Variants in MAP3K1 observed in about 807,000 individuals in gnomAD.
MAP3K1 encodes the protein MAP/ERK kinase kinase 1.
MAP3K1 carries 36 observed loss-of-function variants against 144.2 expected under a neutral mutation model. The ratio of observed to expected loss-of-function variants is 0.25; its 90% CI spans 0.19 to 0.33. The LOEUF (loss-of-function observed/expected upper bound fraction) is 0.33, where lower values mean the gene tolerates loss of function less well. Ranked by LOEUF, MAP3K1 falls within the 10% of genes least tolerant of loss-of-function variation. MAP3K1 has a pLI of 1.00. For synonymous variants in MAP3K1, 718 were observed against 688.7 expected, an observed-to-expected ratio of 1.04 and a Z score of -0.67; for missense variants, 1,650 against 1,881.9, an observed-to-expected ratio of 0.88 and a Z score of 2.28.
At position 56,888,335 on chromosome 5, in the gene MAP3K1, A is replaced by G. The variant is rs1380085243; in HGVS notation, c.4367A>G (p.Asn1456Ser). 12 of 1,614,098 alleles carry G rather than the reference A, an allele frequency of 7.4e-6. No individual in the cohort carries two copies. Among genetic ancestry groups the G allele is most frequent in the South Asian group, 1.1e-5 (1 of 91,084 alleles). ...CCATGGAATGCAGAAAAACACTCCA[A>G]TCATCTTGCTTTGATATTTAAGGTA... ...KPPWNAEKHSNHLALIFKIAS... is the reference protein window; with the variant it reads ...KPPWNAEKHSSHLALIFKIAS... Residue 1456 changes from asparagine (N) to serine (S), a missense_variant, in exon 19 of 20, where the codon AAT becomes AGT. By Grantham distance (46) the Asn-to-Ser change is conservative. Around this residue, in one of 6 missense-constraint regions of MAP3K1, gnomAD observed 165 missense variants for 322.9 expected, o/e 0.51. Transcript: ENST00000399503.
At chr5:56,829,349 A>ATTTT (rs70999027) in intron 1 of MAP3K1, among the ~76,000 whole-genome samples, 7 of 130,330 alleles carry the variant, frequency 5.4e-5, no homozygotes, top group Non-Finnish European at 8.0e-5. Context: ...TGCCCGGCAA[A>ATTTT]TTTTTTTTTT....
intron 1 of MAP3K1, among the ~76,000 whole-genome samples, chr5:56,835,292 AGGC>A (rs1746612716): frequency 6.6e-6 from 1 of 151,692 alleles, no homozygotes; most frequent in African/African-American, 2.4e-5. Flanking sequence ...GGAGACAGGA[AGGC>A]AGGGAAGAGG....
intron 16 of MAP3K1, among the ~76,000 whole-genome samples, 163 bp downstream of exon 16, chr5:56,884,989 A>G (rs577280929): frequency 2.0e-5 from 3 of 152,208 alleles, no homozygotes; most frequent in Non-Finnish European, 4.4e-5. Flanking sequence ...TTCGTTTTGT[A>G]TTTCATTTAC....
chr5:56,886,169 GA>G, intron 17 of MAP3K1, 106 bp downstream of exon 17: 1 of 872,264 alleles, frequency 1.1e-6, no homozygotes, highest in Non-Finnish European at 1.9e-6. Flanking sequence ...TTTGGGAGGT[GA>G]AGGCAGGTGG....
chr5:56,857,091 C>CT (rs1747365909), intron 2 of MAP3K1, among the ~76,000 whole-genome samples: 1 of 152,026 alleles, frequency 6.6e-6, no homozygotes, highest in South Asian at 2.1e-4. Flanking sequence ...TGTTTTATCT[C>CT]TAAGACAGGA....
At position 56,895,765 on chromosome 5, in the gene MAP3K1, T is replaced by C. The variant is rs1748684677; in HGVS notation, c.*2085T>C. 4.3e-6 allele frequency: 1 copy of C among 232,174 alleles called. No homozygotes were observed. Among genetic ancestry groups the C allele is most frequent in the Non-Finnish European group, 8.5e-6 (1 of 117,390 alleles). 14.4% of individuals were successfully genotyped at this position (232,174 alleles called of 1,614,324 possible). ...GGAAATTGTATCGTGTAATTATTTTTGTGTTCTTAATGTTATTTGGTACTC... is the reference window on the plus strand; with the variant it reads ...GGAAATTGTATCGTGTAATTATTTTCGTGTTCTTAATGTTATTTGGTACTC... On this transcript the variant is annotated 3_prime_UTR_variant, in exon 20 of 20. Coordinates refer to ENST00000399503, the MANE Select transcript of MAP3K1 (RefSeq NM_005921.2).
At chr5:56,865,220 G>A (rs1364860931) in intron 4 of MAP3K1, 120 bp from the exon 5 acceptor site, 3 of 695,250 alleles carry the variant, frequency 4.3e-6, no homozygotes, top group African/African-American at 3.6e-5. Flanking sequence ...AGATAATGAA[G>A]AATATGAATT....
At chr5:56,850,270 G>A (rs1185951755) in intron 1 of MAP3K1, among the ~76,000 whole-genome samples, 1 of 152,158 alleles carries the variant, frequency 6.6e-6, no homozygotes, top group Non-Finnish European at 1.5e-5. Flanking sequence ...ACCTTAATTA[G>A]TTAGCTCTGA....
At chr5:56,886,138 T>C (rs2111958929) in intron 17 of MAP3K1, 75 bp downstream of exon 17, 3 of 1,201,712 alleles carry the variant, frequency 2.5e-6, no homozygotes, top group Non-Finnish European at 3.7e-6. Flanking sequence ...GCACAGTGGC[T>C]CACACCTGTA....
intron 1 of MAP3K1, among the ~76,000 whole-genome samples, chr5:56,828,817 CT>C (rs1746394881): frequency 6.6e-6 from 1 of 151,826 alleles, no homozygotes; most frequent in African/African-American, 2.4e-5. Flanking sequence ...TCTAAAAAAG[CT>C]TCTTCTTTGA....
chr5:56,830,913 TTGA>T (rs1746467158), intron 1 of MAP3K1, among the ~76,000 whole-genome samples: 1 of 148,860 alleles, frequency 6.7e-6, no homozygotes, highest in South Asian at 2.3e-4. Flanking sequence ...TAGTCTAGGA[TTGA>T]TTTTTTTTTT....
Position 56,883,692 on chromosome 5 carries a change from T to G in MAP3K1, c.3819+13T>G. 1 of 1,613,540 alleles carries G rather than the reference T, an allele frequency of 6.2e-7. No individual in the cohort carries two copies. Among genetic ancestry groups the G allele is most frequent in the African/African-American group, 1.3e-5 (1 of 75,026 alleles). ...GGCTGTTAAACAGGTAAATATCTAG[T>G]GAGCATATAAATGAAATGACTCAAA... is the stretch of plus-strand genomic sequence containing the variant. On this transcript the variant is annotated intron_variant, in intron 15 of 19. Coordinates refer to ENST00000399503, the MANE Select transcript of MAP3K1 (RefSeq NM_005921.2).
At chr5:56,825,033 G>GT (rs958169024) in intron 1 of MAP3K1, among the ~76,000 whole-genome samples, 1 of 151,790 alleles carries the variant, frequency 6.6e-6, no homozygotes, top group Non-Finnish European at 1.5e-5. Flanking sequence ...TTGAGATGGA[G>GT]TTTCGCTCTT....
intron 3 of MAP3K1, among the ~76,000 whole-genome samples, chr5:56,860,442 C>G (rs115376226): frequency 6.6e-6 from 1 of 152,258 alleles, no homozygotes; most frequent in Non-Finnish European, 1.5e-5. Context: ...GCAAGCTGAA[C>G]TAGTTATTTC....
rs1299415429 is a variant in MAP3K1, at chr5:56,895,570, A to G, written c.*1890A>G. 4.3e-6 allele frequency: 1 copy of G among 232,276 alleles called. No homozygotes were observed. The highest frequency in any genetic ancestry group is 6.1e-5 in the East Asian group (1 of 16,420). 14.4% of individuals were successfully genotyped at this position (232,276 alleles called of 1,614,324 possible). Reference sequence around the variant, plus strand: ...AATCAGTATTACTTTGTAGATCACCATGCCCACCACATTTCAAACTCAAAC... The same window carrying G: ...AATCAGTATTACTTTGTAGATCACCGTGCCCACCACATTTCAAACTCAAAC... On this transcript the variant is annotated 3_prime_UTR_variant, in exon 20 of 20. Transcript: ENST00000399503.
Position 56,895,806 on chromosome 5 carries a change from TCTA to T in MAP3K1, c.*2132_*2134del, listed in dbSNP as rs1748685768. 4.3e-6 allele frequency: 1 copy of T among 231,812 alleles called. No homozygotes were observed. Among genetic ancestry groups the T allele is most frequent in the Admixed American group, 5.6e-5 (1 of 17,764 alleles). The allele number at this position is 231,812 out of a possible 1,614,324, so 14.4% of individuals were successfully genotyped here. A position where few individuals can be genotyped will look rare whatever the true frequency, so the allele number is the denominator to read the frequency against. The stretch of plus-strand genomic sequence containing the variant: ...TTTGGTACTCAAGTTGTAAATAACG[TCTA>T]CTACTGTTTATTCCAGTTTCTACTA... On this transcript the variant is annotated 3_prime_UTR_variant, in exon 20 of 20. Coordinates refer to ENST00000399503, the MANE Select transcript of MAP3K1 (RefSeq NM_005921.2).
intron 1 of MAP3K1, among the ~76,000 whole-genome samples, chr5:56,825,705 CAGT>C (rs1490370681): frequency 5.9e-5 from 9 of 152,194 alleles, no homozygotes; most frequent in Non-Finnish European, 1.3e-4. Context: ...AATCAGTCAC[CAGT>C]TCTTGTTATT....
In MAP3K1 at chr5:56,879,054, C is replaced by T; in HGVS notation, c.2040C>T (p.Leu680=). The change falls in exon 11 of 20, where the codon CTC becomes CTT. Residue 680 remains leucine (L), a synonymous_variant. Transcript: ENST00000399503. ...AAAGAATCAAACTTCAGAGACTTCT[C>T]CAGCCAGTTGTAGACACCATCCTAG... ...LAERIKLQRL[L]QPVVDTILVK... 1.9e-6 allele frequency: 3 copies of T among 1,613,866 alleles called. No individual in the cohort carries two copies. The highest frequency in any genetic ancestry group is 2.7e-5 in the African/African-American group (2 of 75,020).
intron 3 of MAP3K1, chr5:56,862,045 C>G (rs1366529753): frequency 6.6e-6 from 1 of 152,022 alleles, no homozygotes; most frequent in African/African-American, 2.4e-5. Context: ...TTTTTGTTAA[C>G]TTAAAACAAT....
Sources: allele counts gnomAD v4.1 joint callset (sites outside exome capture counted in the v4.1 genomes callset), GRCh38; gene constraint gnomAD v4.1.1; regional missense constraint gnomAD v4.1.1; transcripts MANE v1.5; gene names NCBI Gene and HGNC (gene_info 2026-07-23, HGNC 2026-07-21).